MBNL1: variants seen among roughly 807,000 people sequenced by gnomAD.
MBNL1 encodes the protein muscleblind like splicing regulator 1.
In MBNL1, 8 loss-of-function variants were observed where a neutral mutation model predicts 42.2. The observed-to-expected ratio is 0.19, with a 90% confidence interval of 0.11 to 0.34. The LOEUF is 0.34. MBNL1 is among the 10% of genes least tolerant of loss of function. The pLI is 1.00. For missense variants in MBNL1, 309 were observed against 495.3 expected (o/e 0.62, Z 3.57); for synonymous variants, 169 against 173.9 (o/e 0.97, Z 0.22).
intron 2 of MBNL1, among the ~76,000 whole-genome samples, chr3:152,260,656 C>A (rs1421037168): frequency 1.3e-5 from 2 of 152,164 alleles, no homozygotes; most frequent in Admixed American, 1.3e-4. Flanking sequence ...ATCACAATTT[C>A]TTAGCAAGAG....
At chr3:152,262,159 G>A (rs1167141468) in intron 2 of MBNL1, among the ~76,000 whole-genome samples, 1 of 152,124 alleles carries the variant, frequency 6.6e-6, no homozygotes, top group East Asian at 1.9e-4. Context: ...TGTGTTAAAT[G>A]TATTAAGGAA....
At chr3:152,386,759 GA>G (rs974122769) in intron 2 of MBNL1, among the ~76,000 whole-genome samples, 7 of 150,468 alleles carry the variant, frequency 4.7e-5, no homozygotes, top group Non-Finnish European at 7.4e-5. Context: ...TACCTGGCAG[GA>G]AAAAAAAAGT....
chr3:152,360,722 A>C (rs768785332), intron 2 of MBNL1, among the ~76,000 whole-genome samples: 1 of 152,128 alleles, frequency 6.6e-6, no homozygotes, highest in Non-Finnish European at 1.5e-5. Flanking sequence ...CCCAACAAAA[A>C]TTATAATACT....
intron 2 of MBNL1, among the ~76,000 whole-genome samples, chr3:152,372,698 A>G (rs2096722409): frequency 6.6e-6 from 1 of 152,138 alleles, no homozygotes; most frequent in African/African-American, 2.4e-5. Context: ...CACCCGCCAG[A>G]TGCTAGTGGA....
At chr3:152,247,736 T>C (rs1474691477) in intron 2 of MBNL1, among the ~76,000 whole-genome samples, 2 of 152,044 alleles carry the variant, frequency 1.3e-5, no homozygotes, top group Non-Finnish European at 2.9e-5. Flanking sequence ...AGTTTTATTT[T>C]TATCTTTATA....
Position 152,300,072 on chromosome 3 carries a change from A to G in MBNL1, c.-122A>G. 1.7e-6 allele frequency: 1 copy of G among 580,772 alleles called. No individual in the cohort carries two copies. The highest frequency in any genetic ancestry group is 2.6e-5 in the South Asian group (1 of 38,146). The allele number at this position is 580,772 out of a possible 1,614,324, so 36.0% of individuals were successfully genotyped here. On this transcript the variant is annotated 5_prime_UTR_variant, in exon 2 of 10. Coordinates refer to ENST00000324210, the MANE Select transcript of MBNL1 (RefSeq NM_021038.5). ...TACTTTTAAAGCAGGGAGTGGGGAA[A>G]AGTATTTTGAGGGGACATTTTCATC...
At chr3:152,314,679 T>A (rs761506339) in intron 2 of MBNL1, among the ~76,000 whole-genome samples, 1 of 152,152 alleles carries the variant, frequency 6.6e-6, no homozygotes, top group Non-Finnish European at 1.5e-5. Context: ...CTGGCCTAGC[T>A]CCAAAATTTT....
intron 2 of MBNL1, among the ~76,000 whole-genome samples, chr3:152,374,649 T>C (rs1033836571): frequency 1.3e-5 from 2 of 152,226 alleles, no homozygotes; most frequent in African/African-American, 4.8e-5. Flanking sequence ...GTCACACTTA[T>C]TAAATAATCT....
intron 2 of MBNL1, among the ~76,000 whole-genome samples, chr3:152,315,859 C>CAA (rs1210451401): frequency 1.7e-5 from 2 of 119,490 alleles, no homozygotes; most frequent in Non-Finnish European, 3.5e-5. Flanking sequence ...CACACACACA[C>CAA]ACACACACTC....
chr3:152,345,829 T>C (rs970938359), intron 2 of MBNL1, among the ~76,000 whole-genome samples: 1 of 152,124 alleles, frequency 6.6e-6, no homozygotes, highest in Non-Finnish European at 1.5e-5. Flanking sequence ...TTGACCTTTT[T>C]GAGCTTCAGA....
At position 152,418,488 on chromosome 3, in the gene MBNL1, C is replaced by T. The variant is rs547297335; in HGVS notation, c.345+3377C>T. ...AGGAGTTCAAGACCAACCTGGGCAA[C>T]ATAGCAAGACACCAACTTAGGAAGC... On this transcript the variant is annotated intron_variant, in intron 3 of 9. Coordinates refer to ENST00000324210, the MANE Select transcript of MBNL1 (RefSeq NM_021038.5). 2.6e-5 allele frequency among the ~76,000 whole-genome samples: 4 copies of T among 151,742 alleles called. No homozygotes were observed. In the South Asian group the frequency reaches 6.2e-4, roughly 24 times the overall value.
Position 152,409,179 on chromosome 3 carries a change from A to G in MBNL1, c.175-5762A>G, listed in dbSNP as rs371188274. 6.1e-4 allele frequency among the ~76,000 whole-genome samples: 93 copies of G among 152,310 alleles called. No homozygotes were observed. The South Asian group carries it at 0.019, about 31-fold the overall frequency. On this transcript the variant is annotated intron_variant, in intron 2 of 9. Coordinates refer to ENST00000324210, the MANE Select transcript of MBNL1 (RefSeq NM_021038.5). ...CTGAAGTATATATGTGTGCATGCAT[A>G]TTTATATTTGTATGTATGTGAAGTA...
At chr3:152,283,265 G>A (rs1176343427) in intron 1 of MBNL1, among the ~76,000 whole-genome samples, 2 of 152,124 alleles carry the variant, frequency 1.3e-5, no homozygotes, top group African/African-American at 2.4e-5. Flanking sequence ...TGAAACCTAA[G>A]TGTTGCATCT....
chr3:152,300,011 A>T lies in MBNL1; in HGVS notation c.-183A>T. 1.9e-6 allele frequency: 1 copy of T among 522,720 alleles called. No homozygotes were observed. Among genetic ancestry groups the T allele is most frequent in the Non-Finnish European group, 3.4e-6 (1 of 296,966 alleles). 32.4% of individuals were successfully genotyped at this position (522,720 alleles called of 1,614,324 possible). On this transcript the variant is annotated 5_prime_UTR_variant, in exon 2 of 10. Coordinates refer to ENST00000324210, the MANE Select transcript of MBNL1 (RefSeq NM_021038.5). ...TCATGCTGTGAATTTCTAGTGGGAG[A>T]TCTTTTCCTTGATATTGACGACACA...
chr3:152,362,000 A>G (rs1421213672), intron 2 of MBNL1, among the ~76,000 whole-genome samples: 3 of 152,216 alleles, frequency 2.0e-5, no homozygotes, highest in Non-Finnish European at 2.9e-5. Context: ...TTGCTGCCTG[A>G]AAGACAGAAA....
intron 2 of MBNL1, among the ~76,000 whole-genome samples, chr3:152,356,330 C>T (rs1219478540): frequency 2.6e-5 from 4 of 151,856 alleles, no homozygotes; most frequent in Non-Finnish European, 4.4e-5. Context: ...CCACCAATAG[C>T]ACTAAACTTT....
intron 2 of MBNL1, among the ~76,000 whole-genome samples, chr3:152,252,581 T>A (rs1291496703): frequency 4.6e-5 from 7 of 152,162 alleles, no homozygotes; most frequent in Non-Finnish European, 1.0e-4. Context: ...TGAGCTTTTA[T>A]CTTTGTATTT....
chr3:152,314,401 G>A (rs2069188965), intron 2 of MBNL1, among the ~76,000 whole-genome samples: 1 of 149,902 alleles, frequency 6.7e-6, no homozygotes, highest in African/African-American at 2.5e-5. Context: ...TGAGGTGGGA[G>A]TTTAGCTCTT....
chr3:152,292,946 T>A lies in MBNL1; in HGVS notation c.-789-6459T>A, dbSNP rs866291071. On this transcript the variant is annotated intron_variant, in intron 1 of 9. Coordinates refer to ENST00000324210, the MANE Select transcript of MBNL1 (RefSeq NM_021038.5). ...ACCCTGCCTGGCTAATTTTTGTATT[T>A]TTTGTAGATATAGGGTCCTACTATG... Among the ~76,000 whole-genome samples, 5 of 152,166 alleles carry A rather than the reference T, an allele frequency of 3.3e-5. No homozygotes were observed. The South Asian group carries it at 1.0e-3, about 32-fold the overall frequency.
Sources: gnomAD v4.1 joint callset for allele counts (sites outside exome capture counted in the v4.1 genomes callset) on GRCh38, gnomAD v4.1.1 for gene constraint, MANE v1.5 for transcripts, NCBI Gene and HGNC (gene_info 2026-07-23, HGNC 2026-07-21) for gene names.